Variants in CMTM8 observed in about 807,000 individuals in gnomAD.
The protein encoded by CMTM8 is CKLF like MARVEL transmembrane domain containing 8, also known as CKLF-like MARVEL transmembrane domain-containing protein 8.
Under a neutral mutation model 18.6 loss-of-function variants are expected in CMTM8, and 12 were observed. The observed-to-expected ratio is 0.65, with a 90% CI of 0.41 to 1.05. CMTM8 has a LOEUF of 1.05. CMTM8 is among the 50% of genes least tolerant of loss of function. CMTM8 has a pLI of 0.00. For synonymous variants in CMTM8, 87 were observed against 90.6 expected (o/e 0.96, Z 0.23); for missense variants, 217 against 227.2 (o/e 0.95, Z 0.29).
intron 1 of CMTM8, among the ~76,000 whole-genome samples, chr3:32,278,784 G>C (rs1702558141): frequency 6.6e-6 from 1 of 152,156 alleles, no homozygotes; most frequent in South Asian, 2.1e-4. Context: ...GTACATAACA[G>C]ACTAAGGGTC....
intron 1 of CMTM8, among the ~76,000 whole-genome samples, chr3:32,323,961 A>T (rs1229544922): frequency 6.6e-6 from 1 of 152,218 alleles, no homozygotes; most frequent in Admixed American, 6.5e-5. Flanking sequence ...GCCAAAACTG[A>T]CCAGTTCTGC....
chr3:32,276,188 GTCC>G (rs1345932199), intron 1 of CMTM8, among the ~76,000 whole-genome samples: 2 of 151,722 alleles, frequency 1.3e-5, no homozygotes, highest in Non-Finnish European at 2.9e-5. Flanking sequence ...TGGGTTACTC[GTCC>G]TCCTCCTCTC....
At chr3:32,291,676 C>T (rs1485951793) in intron 1 of CMTM8, among the ~76,000 whole-genome samples, 1 of 152,218 alleles carries the variant, frequency 6.6e-6, no homozygotes, top group African/African-American at 2.4e-5. Context: ...GGCATGGCCA[C>T]AGGGGAATCC....
chr3:32,269,061 T>G (rs115795986), intron 1 of CMTM8, among the ~76,000 whole-genome samples: 5,137 of 152,274 alleles, frequency 0.034, 146 homozygotes, highest in Middle Eastern at 0.061. Context: ...AAATATCACT[T>G]TGTTTGAAGC....
intron 2 of CMTM8, among the ~76,000 whole-genome samples, chr3:32,363,553 G>A (rs147611035): frequency 1.3e-5 from 2 of 152,192 alleles, no homozygotes; most frequent in Non-Finnish European, 2.9e-5. Context: ...CATATAATAA[G>A]AGAGAAACAT....
chr3:32,361,286 G>GTTTTTTTTTTGTTTTTTTTTGT (rs58364646), intron 2 of CMTM8, among the ~76,000 whole-genome samples: 13 of 87,266 alleles, frequency 1.5e-4, no homozygotes, highest in African/African-American at 3.6e-4. Context: ...CAGCCTAAGA[G>GTTTTTTTTTTGTTTTTTTTTGT]TTTTTTTTTC....
chr3:32,319,074 A>ATATATATATTTTT lies in CMTM8; in HGVS notation c.148-38298_148-38297insATATATATTTTTT. On this transcript the variant is annotated intron_variant, in intron 1 of 3. Transcript: ENST00000307526. ...TGTATATACATATATATATATATAT[A>ATATATATATTTTT]TTTTTTTTTTTTTTTTTTTTTGAGA... 3.5e-4 allele frequency among the ~76,000 whole-genome samples: 11 copies of ATATATATATTTTT among 31,528 alleles called. 1 individual carries two copies. The highest frequency in any genetic ancestry group is 6.1e-4 in the African/African-American group (4 of 6,550). 20.7% of individuals were successfully genotyped at this position (31,528 alleles called of 152,430 possible).
chr3:32,252,019 A>G (rs1048165855), intron 1 of CMTM8, among the ~76,000 whole-genome samples: 3 of 152,054 alleles, frequency 2.0e-5, no homozygotes, highest in Admixed American at 1.3e-4. Flanking sequence ...GAGCCCAGGA[A>G]GTGGAGGTTG....
chr3:32,369,789 G>A, intron 3 of CMTM8, 95 bp from the exon 4 acceptor site: 1 of 671,460 alleles, frequency 1.5e-6, no homozygotes, highest in Non-Finnish European at 2.6e-6. Context: ...TCAAGAAAAG[G>A]TAGTGAGTGG....
intron 1 of CMTM8, among the ~76,000 whole-genome samples, chr3:32,351,670 C>T (rs911576631): frequency 6.6e-6 from 1 of 151,656 alleles, no homozygotes; most frequent in Non-Finnish European, 1.5e-5. Flanking sequence ...CTTGATCACA[C>T]CACTGCACTC....
intron 1 of CMTM8, among the ~76,000 whole-genome samples, chr3:32,334,605 C>CAA (rs986810947): frequency 7.2e-6 from 1 of 139,386 alleles, no homozygotes. Flanking sequence ...GACTCCATCT[C>CAA]AAAAAAAAAA....
At chr3:32,316,567 A>G (rs1294808600) in intron 1 of CMTM8, among the ~76,000 whole-genome samples, 1 of 152,206 alleles carries the variant, frequency 6.6e-6, no homozygotes, top group Non-Finnish European at 1.5e-5. Flanking sequence ...TTGTGGCTAA[A>G]CGTATAGAGC....
chr3:32,296,669 C>T (rs1469704824), intron 1 of CMTM8, among the ~76,000 whole-genome samples: 1 of 152,156 alleles, frequency 6.6e-6, no homozygotes, highest in Non-Finnish European at 1.5e-5. Flanking sequence ...AGTGCAAGAG[C>T]TCTGTTGATG....
chr3:32,315,444 T>C (rs1440742654), intron 1 of CMTM8, among the ~76,000 whole-genome samples: 1 of 152,108 alleles, frequency 6.6e-6, no homozygotes, highest in East Asian at 1.9e-4. Context: ...TTTCAAAGAC[T>C]TTGCAGTTCA....
At chr3:32,251,404 C>CCT (rs1370916125) in intron 1 of CMTM8, among the ~76,000 whole-genome samples, 2 of 152,072 alleles carry the variant, frequency 1.3e-5, no homozygotes, top group African/African-American at 4.8e-5. Flanking sequence ...GCCTCAACCT[C>CCT]CTGGGCTCAG....
intron 1 of CMTM8, among the ~76,000 whole-genome samples, chr3:32,265,564 A>G (rs1308077900): frequency 6.6e-6 from 1 of 152,130 alleles, no homozygotes; most frequent in Non-Finnish European, 1.5e-5. Flanking sequence ...AAGAGCAAAC[A>G]CATTCAAAAG....
At chr3:32,336,714 C>T (rs1288601945) in intron 1 of CMTM8, among the ~76,000 whole-genome samples, 2 of 152,216 alleles carry the variant, frequency 1.3e-5, no homozygotes, top group Non-Finnish European at 1.5e-5. Context: ...CTTGCCTCTT[C>T]CTCACTACTC....
At chr3:32,367,822 T>C (rs372028072) in intron 2 of CMTM8, 50 bp from the exon 3 acceptor site, 25 of 1,260,016 alleles carry the variant, frequency 2.0e-5, no homozygotes, top group African/African-American at 1.9e-4. Flanking sequence ...AGTCCAGAGG[T>C]ATGCAGACCC....
chr3:32,319,023 G>T (rs1695983220), intron 1 of CMTM8, among the ~76,000 whole-genome samples: 1 of 122,986 alleles, frequency 8.1e-6, no homozygotes, highest in South Asian at 2.7e-4. Flanking sequence ...TAATTTTTTT[G>T]AAAATATTAA....
Sources: allele counts gnomAD v4.1 joint callset (sites outside exome capture counted in the v4.1 genomes callset), GRCh38; gene constraint gnomAD v4.1.1; transcripts MANE v1.5; gene names NCBI Gene and HGNC (gene_info 2026-07-23, HGNC 2026-07-21).